ITPR1: variants seen among roughly 807,000 people sequenced by gnomAD.
ITPR1 encodes inositol 1,4,5-trisphosphate-gated calcium channel ITPR1.
Under a neutral mutation model 318.4 loss-of-function variants are expected in ITPR1, and 96 were observed. That is an observed-to-expected ratio of 0.30 (90% CI 0.26 to 0.36). The LOEUF (loss-of-function observed/expected upper bound fraction) is 0.36, where lower values mean the gene tolerates loss of function less well. ITPR1 is among the 10% of genes least tolerant of loss of function. The probability of loss-of-function intolerance (pLI) is 1.00; values close to 1 mark genes in which losing one functional copy is unlikely to be tolerated. For synonymous variants in ITPR1, 1,312 were observed against 1,289.9 expected, an observed-to-expected ratio of 1.02 and a Z score of -0.37; for missense variants, 2,440 against 3,460.2, an observed-to-expected ratio of 0.71 and a Z score of 7.40.
intron 30 of ITPR1, 143 bp from the exon 31 acceptor site, chr3:4,688,352 G>A: frequency 1.1e-6 from 1 of 885,646 alleles, no homozygotes. Flanking sequence ...TTCAGCGTCA[G>A]CAGTGCAGCC....
intron 4 of ITPR1, among the ~76,000 whole-genome samples, chr3:4,562,812 TC>T (rs1312073397): frequency 3.3e-5 from 5 of 151,300 alleles, no homozygotes; most frequent in African/African-American, 1.2e-4. Context: ...ACAAATGTAG[TC>T]TCTGCCCCCA....
chr3:4,821,771 G>A (rs1266978036), intron 60 of ITPR1, among the ~76,000 whole-genome samples: 2 of 152,206 alleles, frequency 1.3e-5, no homozygotes, highest in African/African-American at 4.8e-5. Flanking sequence ...TCTTCTCCCT[G>A]TAGATAGAAA....
chr3:4,727,026 C>T, intron 41 of ITPR1, 100 bp from the exon 42 acceptor site: 1 of 961,148 alleles, frequency 1.0e-6, no homozygotes, highest in Non-Finnish European at 1.6e-6. Context: ...TAACTCTTGT[C>T]TATATATGAA....
intron 44 of ITPR1, among the ~76,000 whole-genome samples, chr3:4,764,216 C>T (rs1451806865): frequency 1.3e-5 from 2 of 152,220 alleles, no homozygotes; most frequent in African/African-American, 4.8e-5. Flanking sequence ...CAAGAGCTCT[C>T]AAAGAAGTGA....
At chr3:4,600,413 T>G (rs2091181447) in intron 4 of ITPR1, among the ~76,000 whole-genome samples, 1 of 152,140 alleles carries the variant, frequency 6.6e-6, no homozygotes, top group African/African-American at 2.4e-5. Context: ...CTGGGGATAC[T>G]GTGGATGGGC....
chr3:4,747,222 A>T (rs967789432), intron 44 of ITPR1, among the ~76,000 whole-genome samples: 2 of 152,202 alleles, frequency 1.3e-5, no homozygotes, highest in African/African-American at 4.8e-5. Flanking sequence ...CGGGCTAGCC[A>T]GGCGCCCTCA....
intron 4 of ITPR1, among the ~76,000 whole-genome samples, chr3:4,610,291 C>A (rs1475051000): frequency 1.3e-5 from 2 of 152,070 alleles, no homozygotes; most frequent in African/African-American, 2.4e-5. Context: ...TCCTCCCTCT[C>A]CCTGATGACA....
intron 61 of ITPR1, among the ~76,000 whole-genome samples, chr3:4,841,658 G>C (rs2051353533): frequency 6.6e-6 from 1 of 152,186 alleles, no homozygotes; most frequent in African/African-American, 2.4e-5. Context: ...TGGGAATGGA[G>C]AAAAGGGAGT....
chr3:4,800,022 G>A (rs2048124069), intron 53 of ITPR1: 1 of 171,912 alleles, frequency 5.8e-6, no homozygotes, highest in African/African-American at 2.4e-5. Context: ...CCTGGGGAAT[G>A]TGCAATCTGG....
intron 52 of ITPR1, among the ~76,000 whole-genome samples, chr3:4,793,155 G>T (rs1407323609): frequency 6.6e-6 from 1 of 152,224 alleles, no homozygotes; most frequent in East Asian, 1.9e-4. Flanking sequence ...TGTCCAGATT[G>T]AAAACAACAT....
intron 2 of ITPR1, among the ~76,000 whole-genome samples, chr3:4,504,739 A>T (rs2081279278): frequency 6.6e-6 from 1 of 152,216 alleles, no homozygotes; most frequent in African/African-American, 2.4e-5. Context: ...GCCCAGGAAC[A>T]GGAGCAGAGA....
chr3:4,844,361 C>A (rs1393937908), intron 61 of ITPR1, among the ~76,000 whole-genome samples: 1 of 152,102 alleles, frequency 6.6e-6, no homozygotes, highest in Non-Finnish European at 1.5e-5. Flanking sequence ...TGGGCTCAAG[C>A]AGTCTGCCCA....
chr3:4,550,392 A>G (rs1019866039), intron 4 of ITPR1, among the ~76,000 whole-genome samples: 3 of 151,944 alleles, frequency 2.0e-5, no homozygotes, highest in Admixed American at 2.0e-4. Context: ...CATCTACCTA[A>G]CGGGGTCGTG....
At chr3:4,646,479 G>T (rs1288660487) in intron 10 of ITPR1, among the ~76,000 whole-genome samples, 1 of 152,326 alleles carries the variant, frequency 6.6e-6, no homozygotes, top group East Asian at 1.9e-4. Flanking sequence ...TTTGGTGAAG[G>T]GCACGGGATA....
Position 4,806,106 on chromosome 3 carries a change from T to C in ITPR1, c.7111T>C (p.Cys2371Arg). ...CTGTTCCTGTCATTGTTCTCAGGTATGCAATAAAATCATCTTTCTAATGAG... is the reference window on the plus strand; with the variant it reads ...CTGTTCCTGTCATTGTTCTCAGGTACGCAATAAAATCATCTTTCTAATGAG... The part of the protein sequence containing the change: ...TLFLLGAFNV[C>R]NKIIFLMSFV... Residue 2371 changes from cysteine to arginine, a missense_variant, in exon 55 of 62, where the codon TGC becomes CGC. By Grantham distance (180) the Cys-to-Arg change is radical. Transcript: ENST00000649015. 6.2e-7 allele frequency: 1 copy of C among 1,613,246 alleles called. No individual in the cohort carries two copies. The highest frequency in any genetic ancestry group is 8.5e-7 in the Non-Finnish European group (1 of 1,179,362).
At chr3:4,752,787 C>T (rs984682058) in intron 44 of ITPR1, among the ~76,000 whole-genome samples, 3 of 152,228 alleles carry the variant, frequency 2.0e-5, no homozygotes, top group African/African-American at 7.2e-5. Flanking sequence ...GCTTGTGTCA[C>T]CACAGCCGGC....
At chr3:4,801,530 A>G (rs2048230953) in intron 54 of ITPR1, among the ~76,000 whole-genome samples, 2 of 152,130 alleles carry the variant, frequency 1.3e-5, no homozygotes, top group South Asian at 4.1e-4. Context: ...TTGGGAGGCC[A>G]GGGTGAGCAG....
At chr3:4,567,212 A>G (rs1046967795) in intron 4 of ITPR1, among the ~76,000 whole-genome samples, 1 of 152,168 alleles carries the variant, frequency 6.6e-6, no homozygotes, top group Non-Finnish European at 1.5e-5. Context: ...TTCAATTCTT[A>G]CCTGAGTAAC....
chr3:4,601,523 A>G (rs1482171928), intron 4 of ITPR1, among the ~76,000 whole-genome samples: 5 of 151,320 alleles, frequency 3.3e-5, no homozygotes, highest in Admixed American at 3.3e-4. Context: ...AAAGTGTTGA[A>G]CACCTACCTC....
Sources: allele counts gnomAD v4.1 joint callset (sites outside exome capture counted in the v4.1 genomes callset), GRCh38; gene constraint gnomAD v4.1.1; transcripts MANE v1.5; gene names NCBI Gene and HGNC (gene_info 2026-07-23, HGNC 2026-07-21).